Variants in BYSL observed in about 807,000 individuals in gnomAD.
BYSL encodes bystin like.
A neutral mutation model predicts 45.4 loss-of-function variants in BYSL; 21 were observed. The observed-to-expected ratio is 0.46, with a 90% CI of 0.33 to 0.67. The LOEUF (loss-of-function observed/expected upper bound fraction) is 0.67, where lower values mean the gene tolerates loss of function less well. Among genes scored for constraint, BYSL ranks in the 30% least tolerant of loss-of-function variants. The pLI, the probability that BYSL is intolerant of heterozygous loss-of-function variation, is 0.02. For synonymous variants in BYSL, 215 were observed against 231.3 expected (o/e 0.93, Z 0.64); for missense variants, 522 against 578.5 (o/e 0.90, Z 1.00).
chr6:41,930,407 G>A (rs1041221678), intron 3 of BYSL, 137 bp downstream of exon 3: 2 of 1,318,036 alleles, frequency 1.5e-6, no homozygotes, highest in African/African-American at 3.0e-5. Context: ...GAGGCAGAGT[G>A]TGTGGGTTCA....
rs773275294 is a variant in BYSL at position 41,930,131 on chromosome 6, G to A, written c.432-1G>A. Reference sequence around the variant, plus strand: ...CCTCCTCTTGGCACTTCCCCTCTTAGGCGCACCCTGGCTGACATCATCATG... The same window carrying A: ...CCTCCTCTTGGCACTTCCCCTCTTAAGCGCACCCTGGCTGACATCATCATG... On this transcript the variant is annotated splice_acceptor_variant, in intron 2 of 6. Transcript: ENST00000230340. LOFTEE classifies it high-confidence loss of function. 1 of 1,614,060 alleles carries A rather than the reference G, an allele frequency of 6.2e-7. No individual in the cohort carries two copies. Among genetic ancestry groups the A allele is most frequent in the Non-Finnish European group, 8.5e-7 (1 of 1,179,990 alleles).
At chr6:41,909,571 C>T in the BYSL span, 26 of 1,596,656 alleles carry the variant, frequency 1.6e-5, no homozygotes, top group East Asian at 2.2e-5. Flanking sequence ...CACTGGCAAA[C>T]CCCAGAGTAG....
intron 1 of BYSL, among the ~76,000 whole-genome samples, chr6:41,923,848 C>A (rs528442917): frequency 6.6e-6 from 1 of 152,166 alleles, no homozygotes; most frequent in Non-Finnish European, 1.5e-5. Flanking sequence ...TTCCTCTTTG[C>A]CCATTCCACT....
chr6:41,926,260 T>C (rs1324651737), intron 1 of BYSL, among the ~76,000 whole-genome samples: 1 of 152,158 alleles, frequency 6.6e-6, no homozygotes, highest in East Asian at 1.9e-4. Context: ...CAAACCCGAA[T>C]ATGTGTAGAA....
chr6:41,918,119 T>A (rs1269835605), upstream of BYSL, among the ~76,000 whole-genome samples: 1 of 152,190 alleles, frequency 6.6e-6, no homozygotes, highest in African/African-American at 2.4e-5. Context: ...ACCAACAACG[T>A]GCCAGACTGC....
the BYSL span, among the ~76,000 whole-genome samples, chr6:41,915,305 T>G: frequency 6.6e-6 from 1 of 151,936 alleles, no homozygotes; most frequent in Non-Finnish European, 1.5e-5. Context: ...TTGGGCAGCA[T>G]AGTAAGACAC....
At position 41,932,857 on chromosome 6, in the gene BYSL, A is replaced by G; in HGVS notation, c.*151A>G. ...ACATCTGTGGCTCCCAGTCCAGGAC[A>G]GGAAGGACTGAGGGTCTGGCTGGTT... On this transcript the variant is annotated 3_prime_UTR_variant, in exon 7 of 7. Coordinates refer to ENST00000230340, the MANE Select transcript of BYSL (RefSeq NM_004053.4). This position sits in a 1 kb window ranked among gnomAD's most constrained non-coding sequence, Gnocchi z 4.7. The G allele has an allele frequency of 1.2e-6, 1 of 839,482 alleles. No homozygotes were observed. Among genetic ancestry groups the G allele is most frequent in the Non-Finnish European group, 1.8e-6 (1 of 554,484 alleles). The allele number at this position is 839,482 out of a possible 1,614,324, so 52.0% of individuals were successfully genotyped here.
intron 3 of BYSL, 76 bp from the exon 4 acceptor site, chr6:41,930,559 C>T: frequency 6.6e-7 from 1 of 1,522,172 alleles, no homozygotes; most frequent in South Asian, 1.3e-5. Flanking sequence ...ATTAAAAGCA[C>T]CCAGACAAGT....
In BYSL at chr6:41,931,761, G is replaced by A; in HGVS notation, c.899G>A (p.Cys300Tyr). The stretch of plus-strand genomic sequence containing the variant: ...ATTCCACTGTGCGAGTCTGGCACTT[G>A]TACCCTCCGGGAAGCCATCATTGTG... ...ILIPLCESGT[C>Y]TLREAIIVGS... is the part of the protein sequence containing the mutation. The change falls in exon 6 of 7, where the codon TGT (cysteine) becomes TAT (tyrosine). Residue 300 changes from cysteine to tyrosine, a missense_variant. Coordinates refer to ENST00000230340, the MANE Select transcript of BYSL (RefSeq NM_004053.4). The A allele has an allele frequency of 6.2e-7, 1 of 1,614,014 alleles. No homozygotes were observed. Among genetic ancestry groups the A allele is most frequent in the East Asian group, 2.2e-5 (1 of 44,888 alleles).
chr6:41,931,030 A>C (rs566124818), intron 4 of BYSL, among the ~76,000 whole-genome samples: 23 of 129,782 alleles, frequency 1.8e-4, no homozygotes, highest in Admixed American at 1.7e-3. Context: ...TCTGTGATGA[A>C]TTTCTAGGGG....
intron 1 of BYSL, 97 bp downstream of exon 1, chr6:41,921,927 A>G (rs1775486755): frequency 2.8e-6 from 4 of 1,449,346 alleles, no homozygotes; most frequent in Admixed American, 4.9e-5. Flanking sequence ...CTTCGAGTCA[A>G]CAAAGGGGTC....
At chr6:41,915,789 A>AACACACACACACACACAC in the BYSL span, among the ~76,000 whole-genome samples, 8,580 of 148,620 alleles carry the variant, frequency 0.058, 467 homozygotes, top group African/African-American at 0.13. Flanking sequence ...TCCGTCTCAA[A>AACACACACACACACACAC]ACACACACAC....
intron 1 of BYSL, among the ~76,000 whole-genome samples, chr6:41,922,968 C>T (rs1775509737): frequency 6.6e-6 from 1 of 152,116 alleles, no homozygotes; most frequent in Non-Finnish European, 1.5e-5. Context: ...TCTCTCCCTC[C>T]CCACATCTGA....
Position 41,921,708 on chromosome 6 carries a change from A to G in BYSL, c.146A>G (p.Tyr49Cys). The change falls in exon 1 of 7, where the codon TAT (tyrosine) becomes TGT (cysteine). Residue 49 changes from tyrosine to cysteine, a missense_variant. Tyr to Cys is a radical substitution (Grantham distance 194). Transcript: ENST00000230340. ...GRGTGEAEEE[Y>C]VGPRLSRRIL... Reference sequence around the variant, plus strand: ...GGGACAGGAGAAGCGGAGGAAGAGTATGTGGGGCCCCGGCTGAGCCGACGG... The same window carrying G: ...GGGACAGGAGAAGCGGAGGAAGAGTGTGTGGGGCCCCGGCTGAGCCGACGG... The G allele has an allele frequency of 1.9e-6, 3 of 1,613,326 alleles. No individual in the cohort carries two copies. Among genetic ancestry groups the G allele is most frequent in the South Asian group, 1.1e-5 (1 of 91,042 alleles).
chr6:41,931,372 C>T (rs1489087316), intron 4 of BYSL, 24 bp from the exon 5 acceptor site: 1 of 1,613,594 alleles, frequency 6.2e-7, no homozygotes, highest in South Asian at 1.1e-5. Context: ...GAGTTGGAAA[C>T]TTCCCCCGCT....
At chr6:41,915,399 T>A in the BYSL span, among the ~76,000 whole-genome samples, 1 of 152,090 alleles carries the variant, frequency 6.6e-6, no homozygotes, top group African/African-American at 2.4e-5. Flanking sequence ...GAGGCTAAGG[T>A]GGGAGGATCA....
chr6:41,921,379 C>G, upstream of BYSL: 1 of 780,972 alleles, frequency 1.3e-6, no homozygotes, highest in Non-Finnish European at 2.0e-6. Context: ...GGGAGTCCAG[C>G]TCCGGAACCC....
intron 5 of BYSL, 60 bp downstream of exon 5, chr6:41,931,616 A>G: frequency 1.9e-6 from 3 of 1,612,408 alleles, no homozygotes; most frequent in Non-Finnish European, 1.7e-6. Flanking sequence ...GGAACACAGC[A>G]GGCCTGGTGT....
At chr6:41,926,376 T>G (rs1047661278) in intron 1 of BYSL, among the ~76,000 whole-genome samples, 4 of 152,230 alleles carry the variant, frequency 2.6e-5, no homozygotes, top group Non-Finnish European at 5.9e-5. Flanking sequence ...AGTAATAGTA[T>G]CCACTTCTTG....
Sources: gnomAD v4.1 joint callset for allele counts (sites outside exome capture counted in the v4.1 genomes callset) on GRCh38, gnomAD v4.1.1 for gene constraint, Gnocchi (gnomAD v3.1) non-coding constraint, MANE v1.5 for transcripts, NCBI Gene and HGNC (gene_info 2026-07-23, HGNC 2026-07-21) for gene names.